CRISPLD2: variants seen among roughly 807,000 people sequenced by gnomAD.
The protein encoded by CRISPLD2 is cysteine rich secretory protein LCCL domain containing 2, also known as cysteine-rich secretory protein LCCL domain-containing 2.
Under a neutral mutation model 71.1 loss-of-function variants are expected in CRISPLD2, and 47 were observed. That is an observed-to-expected ratio of 0.66 (90% CI 0.52 to 0.84). CRISPLD2 has a LOEUF of 0.84. Among genes scored for constraint, CRISPLD2 ranks in the 40% least tolerant of loss-of-function variants. The pLI is 0.00. For synonymous variants in CRISPLD2, 317 were observed against 250.1 expected (o/e 1.27, Z -2.52); for missense variants, 830 against 651.1 (o/e 1.27, Z -2.99).
chr16:84,853,211 C>T (rs991300036), intron 5 of CRISPLD2, among the ~76,000 whole-genome samples: 17 of 152,172 alleles, frequency 1.1e-4, no homozygotes, highest in African/African-American at 4.1e-4. Flanking sequence ...CAAGGGGAAA[C>T]TTGGCAGGGG....
rs1433397234 is a variant in CRISPLD2 at position 84,904,611 on chromosome 16, A to ATTTT, written c.1440-1977_1440-1976insTTTT. Among the ~76,000 whole-genome samples the ATTTT allele has an allele frequency of 8.3e-3, 1,251 of 151,300 alleles. 13 individuals carry two copies. Among genetic ancestry groups the ATTTT allele is most frequent in the African/African-American group, 0.028 (1,140 of 41,264 alleles). On this transcript the variant is annotated intron_variant, in intron 14 of 14. Coordinates refer to ENST00000262424, the MANE Select transcript of CRISPLD2 (RefSeq NM_031476.4). ...AAAAAGGTAAAAAAAAAAATTTAAA[A>ATTTT]AAAAAATTAAAAAAAAAAATGATTG...
intron 14 of CRISPLD2, among the ~76,000 whole-genome samples, chr16:84,890,814 C>T (rs968494903): frequency 6.6e-6 from 1 of 152,114 alleles, no homozygotes; most frequent in African/African-American, 2.4e-5. Flanking sequence ...GAAAAAAAGA[C>T]CAAACAAAGT....
At chr16:84,899,919 G>T (rs1371468113) in intron 14 of CRISPLD2, among the ~76,000 whole-genome samples, 1 of 152,162 alleles carries the variant, frequency 6.6e-6, no homozygotes, top group African/African-American at 2.4e-5. Context: ...TGCCCCCCAT[G>T]CAGAATAACC....
At chr16:84,870,944 GCTA>G (rs1305607752) in intron 8 of CRISPLD2, among the ~76,000 whole-genome samples, 1 of 152,064 alleles carries the variant, frequency 6.6e-6, no homozygotes, top group Admixed American at 6.5e-5. Context: ...TATAGTCCCA[GCTA>G]CTCGGGAGGC....
At chr16:84,902,498 T>C (rs1384203153) in intron 14 of CRISPLD2, among the ~76,000 whole-genome samples, 1 of 151,624 alleles carries the variant, frequency 6.6e-6, no homozygotes, top group Non-Finnish European at 1.5e-5. Context: ...TAGTCCCAGC[T>C]ACTCGGGAGG....
At chr16:84,856,321 C>T (rs1369531870) in intron 6 of CRISPLD2, among the ~76,000 whole-genome samples, 1 of 152,188 alleles carries the variant, frequency 6.6e-6, no homozygotes, top group Non-Finnish European at 1.5e-5. Flanking sequence ...AGACTGATTT[C>T]ATCTTGATGA....
At chr16:84,850,510 A>T (rs4783090) in intron 4 of CRISPLD2, 58 bp from the exon 5 acceptor site, 1 of 1,441,600 alleles carries the variant, frequency 6.9e-7, no homozygotes, top group Non-Finnish European at 9.8e-7. Flanking sequence ...AGGCCAAATG[A>T]TATCACCCTT....
At chr16:84,830,439 C>CTTTGGG (rs1247952124) in intron 1 of CRISPLD2, among the ~76,000 whole-genome samples, 1 of 152,174 alleles carries the variant, frequency 6.6e-6, no homozygotes, top group African/African-American at 2.4e-5. Flanking sequence ...CATGGTGGCT[C>CTTTGGG]ACGCCTGTAA....
At chr16:84,856,180 T>C (rs139193294) in intron 6 of CRISPLD2, among the ~76,000 whole-genome samples, 204 of 152,322 alleles carry the variant, frequency 1.3e-3, no homozygotes, top group African/African-American at 4.7e-3. Context: ...GGACCATTTG[T>C]AGTCCTGCCT....
intron 6 of CRISPLD2, among the ~76,000 whole-genome samples, chr16:84,861,344 T>G (rs1219653126): frequency 1.3e-5 from 2 of 150,704 alleles, no homozygotes; most frequent in Non-Finnish European, 3.0e-5. Context: ...TATAGGGGAG[T>G]TTATTAAGGA....
rs1477754029 is a variant in CRISPLD2 at position 84,909,176 on chromosome 16, G to A, written c.*2534G>A. 5 of 152,594 alleles carry A rather than the reference G, an allele frequency of 3.3e-5. No homozygotes were observed. The highest frequency in any genetic ancestry group is 2.9e-5 in the Non-Finnish European group (2 of 68,028). 9.5% of individuals were successfully genotyped at this position (152,594 alleles called of 1,614,324 possible). On this transcript the variant is annotated 3_prime_UTR_variant, in exon 15 of 15. Transcript: ENST00000262424. ...TAAAAAGATCTTGTACCAAGCCAAC[G>A]GCGTTCCTGGCTCTCCTGCCCACAG...
intron 11 of CRISPLD2, 73 bp downstream of exon 11, chr16:84,874,036 T>G: frequency 7.6e-7 from 1 of 1,320,228 alleles, no homozygotes; most frequent in South Asian, 1.3e-5. Context: ...TTCACTTCCT[T>G]TAGTCGCTGA....
Position 84,872,561 on chromosome 16 carries a change from T to A in CRISPLD2, c.981+53T>A, listed in dbSNP as rs144130319. ...GGCTTGTGTGGGATCCTGTTGCATA[T>A]GTTTAAAGCAGGTGGTTGGCTTTAG... On this transcript the variant is annotated intron_variant, in intron 9 of 14. Coordinates refer to ENST00000262424, the MANE Select transcript of CRISPLD2 (RefSeq NM_031476.4). 3 of 1,457,780 alleles carry A rather than the reference T, an allele frequency of 2.1e-6. No homozygotes were observed. In the African/African-American group the frequency reaches 4.3e-5, roughly 21 times the overall value. The allele number at this position is 1,457,780 out of a possible 1,614,324, so 90.3% of individuals were successfully genotyped here.
At chr16:84,906,515 C>T in intron 14 of CRISPLD2, 73 bp from the exon 15 acceptor site, 1 of 1,544,748 alleles carries the variant, frequency 6.5e-7, no homozygotes, top group South Asian at 1.1e-5. Context: ...CCAGGTCTCC[C>T]TGCCCACCCA....
rs2071820889 is a variant in CRISPLD2 at position 84,908,088 on chromosome 16, A to G, written c.*1446A>G. ...AACTAGCAGAAAGTCAAAAACTAAG[A>G]TACTGTAGACTGGACAAGAAATTCT... is the stretch of plus-strand genomic sequence containing the variant. On this transcript the variant is annotated 3_prime_UTR_variant, in exon 15 of 15. Coordinates refer to ENST00000262424, the MANE Select transcript of CRISPLD2 (RefSeq NM_031476.4). The G allele has an allele frequency of 6.6e-6, 1 of 152,254 alleles. No individual in the cohort carries two copies. Among genetic ancestry groups the G allele is most frequent in the South Asian group, 2.1e-4 (1 of 4,836 alleles). The allele number at this position is 152,254 out of a possible 1,614,324, so 9.4% of individuals were successfully genotyped here.
rs762567141 is a variant in CRISPLD2 at position 84,880,549 on chromosome 16, T to A, written c.1270T>A (p.Trp424Arg). Reference sequence around the variant, plus strand: ...ACACTGCAAAGACGAACCTTCCTACTGGGCTCCGGTGTTTGGAACCAACAT... The same window carrying A: ...ACACTGCAAAGACGAACCTTCCTACAGGGCTCCGGTGTTTGGAACCAACAT... Reference protein sequence around the residue: ...PAHCKDEPSYWAPVFGTNIYA... With the variant: ...PAHCKDEPSYRAPVFGTNIYA... The change falls in exon 13 of 15, where the codon TGG (tryptophan) becomes AGG (arginine). Residue 424 changes from tryptophan (W) to arginine (R), a missense_variant. Trp to Arg is a moderately radical substitution (Grantham distance 101). Coordinates refer to ENST00000262424, the MANE Select transcript of CRISPLD2 (RefSeq NM_031476.4). The A allele has an allele frequency of 1.2e-6, 2 of 1,613,862 alleles. No individual in the cohort carries two copies. The highest frequency in any genetic ancestry group is 3.3e-5 in the Admixed American group (2 of 59,970).
At chr16:84,855,330 C>T (rs1488366035) in intron 6 of CRISPLD2, among the ~76,000 whole-genome samples, 1 of 152,046 alleles carries the variant, frequency 6.6e-6, no homozygotes, top group Non-Finnish European at 1.5e-5. Flanking sequence ...CTCACGTGAT[C>T]ACAAGATCCC....
intron 14 of CRISPLD2, among the ~76,000 whole-genome samples, chr16:84,905,146 G>A (rs2071789967): frequency 6.6e-6 from 1 of 151,968 alleles, no homozygotes; most frequent in Non-Finnish European, 1.5e-5. Flanking sequence ...ATCAGGCTTG[G>A]TGACATGCTG....
chr16:84,822,267 C>T (rs967113368), intron 1 of CRISPLD2, among the ~76,000 whole-genome samples: 1 of 152,210 alleles, frequency 6.6e-6, no homozygotes, highest in African/African-American at 2.4e-5. Flanking sequence ...ACTGGGAAGG[C>T]CTGAGCTAGG....
Sources: gnomAD v4.1 joint callset for allele counts (sites outside exome capture counted in the v4.1 genomes callset) on GRCh38, gnomAD v4.1.1 for gene constraint, MANE v1.5 for transcripts, NCBI Gene and HGNC (gene_info 2026-07-23, HGNC 2026-07-21) for gene names.